LPGAT1: variants seen among roughly 807,000 people sequenced by gnomAD.
The protein encoded by LPGAT1 is acyl-CoA:lysophosphatidylglycerol acyltransferase 1.
LPGAT1 carries 11 observed loss-of-function variants against 47.5 expected under a neutral mutation model. That is an observed-to-expected ratio of 0.23 (90% CI 0.15 to 0.38). The LOEUF (loss-of-function observed/expected upper bound fraction) is 0.38, where lower values mean the gene tolerates loss of function less well. Ranked by LOEUF, LPGAT1 falls within the 10% of genes least tolerant of loss-of-function variation. The probability of loss-of-function intolerance (pLI) is 1.00; values close to 1 mark genes in which losing one functional copy is unlikely to be tolerated. For synonymous variants in LPGAT1, 138 were observed against 144.2 expected, an observed-to-expected ratio of 0.96 and a Z score of 0.31; for missense variants, 293 against 439.0, an observed-to-expected ratio of 0.67 and a Z score of 2.97.
chr1:211,821,237 C>A (rs886375386), intron 2 of LPGAT1, among the ~76,000 whole-genome samples: 1 of 152,148 alleles, frequency 6.6e-6, no homozygotes, highest in African/African-American at 2.4e-5. Context: ...GCCTGGGAAA[C>A]AGAGTGAGAC....
intron 2 of LPGAT1, among the ~76,000 whole-genome samples, chr1:211,806,979 T>C (rs917102754): frequency 4.6e-5 from 7 of 152,140 alleles, no homozygotes; most frequent in African/African-American, 1.4e-4. Context: ...AAGGAAGAGA[T>C]AAAATTCTTA....
intron 2 of LPGAT1, among the ~76,000 whole-genome samples, chr1:211,824,400 A>T (rs1660468435): frequency 6.6e-6 from 1 of 152,192 alleles, no homozygotes; most frequent in South Asian, 2.1e-4. Flanking sequence ...TCTCACAAAA[A>T]AATAAAAAAG....
At position 211,746,525 on chromosome 1, in the gene LPGAT1, AGAGT is replaced by A. The variant is rs968164915; in HGVS notation, c.*3370_*3373del. On this transcript the variant is annotated 3_prime_UTR_variant, in exon 8 of 8. Transcript: ENST00000366997. ...GTCCCTAGAAAAAAAATGTCTGATGAGAGTAAGAATTCAAACTCCTAAATAAAAG... is the reference window on the plus strand; with the variant it reads ...GTCCCTAGAAAAAAAATGTCTGATGAAAGAATTCAAACTCCTAAATAAAAG... 2 of 152,306 alleles carry A rather than the reference AGAGT, an allele frequency of 1.3e-5. No homozygotes were observed. Among genetic ancestry groups the A allele is most frequent in the African/African-American group, 4.8e-5 (2 of 41,560 alleles). The allele number at this position is 152,306 out of a possible 1,614,324, so 9.4% of individuals were successfully genotyped here. A position where few individuals can be genotyped will look rare whatever the true frequency, so the allele number is the denominator to read the frequency against.
At chr1:211,786,356 T>G (rs950075283) in intron 4 of LPGAT1, among the ~76,000 whole-genome samples, 1 of 151,792 alleles carries the variant, frequency 6.6e-6, no homozygotes, top group African/African-American at 2.4e-5. Flanking sequence ...AAAGGCTTAA[T>G]TAGATTCACC....
At chr1:211,778,109 G>A (rs553871560) in intron 6 of LPGAT1, among the ~76,000 whole-genome samples, 38 of 152,264 alleles carry the variant, frequency 2.5e-4, no homozygotes, top group African/African-American at 7.2e-4. Context: ...TTGGGAGGCC[G>A]ACGCAGGCGG....
chr1:211,784,415 C>T (rs1022810761), intron 4 of LPGAT1, among the ~76,000 whole-genome samples: 2 of 150,164 alleles, frequency 1.3e-5, no homozygotes, highest in Non-Finnish European at 3.0e-5. Context: ...CACTTGTGCC[C>T]ACAAGTTCGA....
intron 2 of LPGAT1, among the ~76,000 whole-genome samples, chr1:211,797,081 C>A (rs1226424672): frequency 6.6e-6 from 1 of 151,976 alleles, no homozygotes; most frequent in African/African-American, 2.4e-5. Context: ...CATGGTGAAA[C>A]CCTGTCTCTT....
intron 2 of LPGAT1, among the ~76,000 whole-genome samples, chr1:211,822,655 G>T (rs1036864290): frequency 1.3e-5 from 2 of 151,958 alleles, no homozygotes; most frequent in Non-Finnish European, 2.9e-5. Flanking sequence ...GTACATGCCT[G>T]TAATCCCAGC....
At chr1:211,781,162 A>G (rs181452838) in intron 5 of LPGAT1, among the ~76,000 whole-genome samples, 255 of 152,328 alleles carry the variant, frequency 1.7e-3, no homozygotes, top group Non-Finnish European at 2.2e-3. Flanking sequence ...GTTTTCAAGT[A>G]CACTTATAAT....
At chr1:211,817,164 T>C (rs895562202) in intron 2 of LPGAT1, among the ~76,000 whole-genome samples, 1 of 152,244 alleles carries the variant, frequency 6.6e-6, no homozygotes, top group African/African-American at 2.4e-5. Context: ...CAATTAACTT[T>C]AATAAATGGA....
At chr1:211,772,952 T>A (rs914555520) in intron 6 of LPGAT1, among the ~76,000 whole-genome samples, 3 of 152,312 alleles carry the variant, frequency 2.0e-5, no homozygotes, top group African/African-American at 7.2e-5. Context: ...TATGAAATAT[T>A]ATTCTCTGTT....
chr1:211,763,599 G>A (rs983972913), intron 6 of LPGAT1, among the ~76,000 whole-genome samples: 5 of 152,048 alleles, frequency 3.3e-5, no homozygotes, highest in South Asian at 2.1e-4. Context: ...AGTAACATAC[G>A]TATATAATTT....
At chr1:211,770,805 CTT>C (rs1658133891) in intron 6 of LPGAT1, among the ~76,000 whole-genome samples, 2 of 152,060 alleles carry the variant, frequency 1.3e-5, no homozygotes, top group Admixed American at 1.3e-4. Context: ...TTTTAAGACT[CTT>C]TTATACTGCC....
At chr1:211,822,787 A>C (rs1660408373) in intron 2 of LPGAT1, among the ~76,000 whole-genome samples, 1 of 152,118 alleles carries the variant, frequency 6.6e-6, no homozygotes, top group South Asian at 2.1e-4. Context: ...CAAAAAAAAA[A>C]AAAAAATCAG....
intron 2 of LPGAT1, among the ~76,000 whole-genome samples, chr1:211,815,955 T>A (rs1660160055): frequency 6.6e-6 from 1 of 151,248 alleles, no homozygotes; most frequent in South Asian, 2.1e-4. Context: ...ATTTTTTGTA[T>A]TTTTTTTAGT....
At chr1:211,809,832 T>A (rs1659904287) in intron 2 of LPGAT1, among the ~76,000 whole-genome samples, 1 of 152,172 alleles carries the variant, frequency 6.6e-6, no homozygotes, top group Admixed American at 6.5e-5. Context: ...GGTATGTCTT[T>A]ATTAGCAGTG....
At chr1:211,802,777 A>C (rs768559376) in intron 2 of LPGAT1, among the ~76,000 whole-genome samples, 3 of 152,192 alleles carry the variant, frequency 2.0e-5, no homozygotes, top group Non-Finnish European at 4.4e-5. Flanking sequence ...CCACTCTGAC[A>C]TGGGACATCA....
At chr1:211,759,862 T>A (rs1048470127) in intron 6 of LPGAT1, among the ~76,000 whole-genome samples, 4 of 152,246 alleles carry the variant, frequency 2.6e-5, no homozygotes, top group Non-Finnish European at 4.4e-5. Flanking sequence ...ATTATACAAA[T>A]GTTCATTCAT....
chr1:211,782,758 A>AAAC (rs1265149044), intron 5 of LPGAT1, among the ~76,000 whole-genome samples: 3 of 152,150 alleles, frequency 2.0e-5, no homozygotes, highest in Non-Finnish European at 4.4e-5. Context: ...AAAAAAACAA[A>AAAC]AACAACAACA....
Sources: allele counts gnomAD v4.1 joint callset (sites outside exome capture counted in the v4.1 genomes callset), GRCh38; gene constraint gnomAD v4.1.1; transcripts MANE v1.5; gene names NCBI Gene and HGNC (gene_info 2026-07-23, HGNC 2026-07-21).